The following THSD7A variants were observed in gnomAD, a reference collection of about 807,000 sequenced individuals.
The protein encoded by THSD7A is thrombospondin type-1 domain-containing protein 7A.
Under a neutral mutation model 231.3 loss-of-function variants are expected in THSD7A, and 96 were observed. The observed-to-expected ratio is 0.41, with a 90% CI of 0.35 to 0.49. The LOEUF (loss-of-function observed/expected upper bound fraction) is 0.49, where lower values mean the gene tolerates loss of function less well. THSD7A is among the 20% of genes least tolerant of loss of function. The probability of loss-of-function intolerance (pLI) is 0.05; values close to 1 mark genes in which losing one functional copy is unlikely to be tolerated. For missense variants in THSD7A, 2,290 were observed against 2,070.2 expected, an observed-to-expected ratio of 1.11 and a Z score of -2.06; for synonymous variants, 940 against 743.3, an observed-to-expected ratio of 1.26 and a Z score of -4.30.
At chr7:11,420,514 A>T (rs909217501) in intron 16 of THSD7A, among the ~76,000 whole-genome samples, 1 of 152,204 alleles carries the variant, frequency 6.6e-6, no homozygotes, top group African/African-American at 2.4e-5. Flanking sequence ...CGGATTTCAG[A>T]GGATGTATGG....
At chr7:11,739,862 G>A (rs115492547) in intron 1 of THSD7A, among the ~76,000 whole-genome samples, 1,694 of 152,046 alleles carry the variant, frequency 0.011, 28 homozygotes, top group African/African-American at 0.038. Context: ...GCAATGCCAA[G>A]GATGCAGGAA....
chr7:11,746,623 C>T (rs1782316145), intron 1 of THSD7A, among the ~76,000 whole-genome samples: 1 of 151,778 alleles, frequency 6.6e-6, no homozygotes, highest in African/African-American at 2.4e-5. Flanking sequence ...ACAGGTACCC[C>T]AGAGATGGAG....
At position 11,447,375 on chromosome 7, in the gene THSD7A, G is replaced by A; in HGVS notation, c.2655C>T (p.Cys885=). 2 of 1,608,018 alleles carry A rather than the reference G, an allele frequency of 1.2e-6. No homozygotes were observed. The highest frequency in any genetic ancestry group is 1.7e-6 in the Non-Finnish European group (2 of 1,177,366). The stretch of plus-strand genomic sequence containing the variant: ...CTGGCACAGGGCCTGCATACTGTAG[G>A]CACTCATGGATTCCAGCCTGTCCTC... The part of the protein sequence containing the change: ...QDGGQAGIHE[C]LQYAGPVPAL... Residue 885 remains cysteine (C), a synonymous_variant, in exon 12 of 28, where the codon TGC becomes TGT. Coordinates refer to ENST00000423059, the MANE Select transcript of THSD7A (RefSeq NM_015204.3).
At chr7:11,796,937 T>C (rs1212244349) in intron 1 of THSD7A, among the ~76,000 whole-genome samples, 1 of 152,130 alleles carries the variant, frequency 6.6e-6, no homozygotes. Flanking sequence ...AGTATTTAAA[T>C]GTGAATAACA....
At chr7:11,720,496 C>T (rs1013574772) in intron 1 of THSD7A, among the ~76,000 whole-genome samples, 1 of 151,738 alleles carries the variant, frequency 6.6e-6, no homozygotes, top group Non-Finnish European at 1.5e-5. Flanking sequence ...TTTAAATATA[C>T]TGAAGATTCT....
chr7:11,770,603 C>G (rs1458819406), intron 1 of THSD7A, among the ~76,000 whole-genome samples: 1 of 152,156 alleles, frequency 6.6e-6, no homozygotes. Flanking sequence ...TCTTTGAAAT[C>G]TCTCTTCTAC....
At chr7:11,618,810 AAGG>A (rs1038514051) in intron 2 of THSD7A, among the ~76,000 whole-genome samples, 14 of 151,778 alleles carry the variant, frequency 9.2e-5, no homozygotes, top group Admixed American at 4.6e-4. Context: ...AAAAAAAAAG[AAGG>A]AGAAGAATAA....
intron 1 of THSD7A, among the ~76,000 whole-genome samples, chr7:11,768,892 C>A (rs1249895675): frequency 1.3e-5 from 2 of 151,392 alleles, no homozygotes; most frequent in South Asian, 2.1e-4. Flanking sequence ...GCATGCCACT[C>A]CTTTATGCTT....
At position 11,670,323 on chromosome 7, in the gene THSD7A, T is replaced by C. The variant is rs115947110; in HGVS notation, c.191-33362A>G. Reference sequence around the variant, plus strand: ...ATGGAGATCCATTACCACAGAGGAATCTTCTATGTCCAGGCAAAGGCCAAA... The same window carrying C: ...ATGGAGATCCATTACCACAGAGGAACCTTCTATGTCCAGGCAAAGGCCAAA... On this transcript the variant is annotated intron_variant, in intron 1 of 27. Transcript: ENST00000423059. 3.8e-3 allele frequency among the ~76,000 whole-genome samples: 574 copies of C among 152,292 alleles called. 3 individuals are homozygous for C. The highest frequency in any genetic ancestry group is 0.013 in the African/African-American group (530 of 41,570).
rs913722627 is a variant in THSD7A at position 11,476,707 on chromosome 7, C to T, written c.2018-2139G>A. Among the ~76,000 whole-genome samples, 5 of 151,266 alleles carry T rather than the reference C, an allele frequency of 3.3e-5. No homozygotes were observed. The Admixed American group carries it at 3.3e-4, about 10-fold the overall frequency. ...TGGTGCTCCTGTAATCCCAGCTATTCAGGAGGCTGAGGCAGGAGAATCGCT... is the reference window on the plus strand; with the variant it reads ...TGGTGCTCCTGTAATCCCAGCTATTTAGGAGGCTGAGGCAGGAGAATCGCT... On this transcript the variant is annotated intron_variant, in intron 7 of 27. Coordinates refer to ENST00000423059, the MANE Select transcript of THSD7A (RefSeq NM_015204.3).
At chr7:11,418,770 T>A (rs1282029028) in intron 16 of THSD7A, among the ~76,000 whole-genome samples, 1 of 152,158 alleles carries the variant, frequency 6.6e-6, no homozygotes, top group Non-Finnish European at 1.5e-5. Context: ...GTTGGTCATG[T>A]CTTAATGAGC....
intron 23 of THSD7A, among the ~76,000 whole-genome samples, chr7:11,386,777 T>G (rs1399896166): frequency 2.6e-5 from 4 of 152,222 alleles, no homozygotes; most frequent in Non-Finnish European, 5.9e-5. Flanking sequence ...AGTCATGAAG[T>G]CTTTGCCCAT....
chr7:11,580,472 G>C (rs1293211390), intron 4 of THSD7A, among the ~76,000 whole-genome samples: 1 of 152,014 alleles, frequency 6.6e-6, no homozygotes, highest in Non-Finnish European at 1.5e-5. Flanking sequence ...TAACTTCAAG[G>C]CTTTTATCAG....
At chr7:11,476,355 ACACACAC>A (rs922292789) in intron 7 of THSD7A, among the ~76,000 whole-genome samples, 1 of 149,224 alleles carries the variant, frequency 6.7e-6, no homozygotes, top group African/African-American at 2.5e-5. Flanking sequence ...ACACACACAC[ACACACAC>A]CATTTTTTTA....
At chr7:11,395,981 A>G (rs1276194288) in intron 23 of THSD7A, among the ~76,000 whole-genome samples, 5 of 152,226 alleles carry the variant, frequency 3.3e-5, no homozygotes, top group African/African-American at 1.2e-4. Context: ...AGTCAGGATT[A>G]AGAAACCCAC....
chr7:11,462,670 C>T (rs1015676665), intron 9 of THSD7A, among the ~76,000 whole-genome samples: 2 of 152,088 alleles, frequency 1.3e-5, no homozygotes, highest in Non-Finnish European at 2.9e-5. Flanking sequence ...GTTAGACAGT[C>T]TAAGACCTTC....
At chr7:11,654,394 T>A (rs1288529119) in intron 1 of THSD7A, among the ~76,000 whole-genome samples, 2 of 151,982 alleles carry the variant, frequency 1.3e-5, no homozygotes, top group African/African-American at 4.8e-5. Flanking sequence ...TGTCACCCAA[T>A]AAAGCAGTGT....
chr7:11,540,198 A>G (rs1789085977), intron 6 of THSD7A, among the ~76,000 whole-genome samples: 1 of 152,220 alleles, frequency 6.6e-6, no homozygotes, highest in African/African-American at 2.4e-5. Context: ...AAAATTCATC[A>G]TAAAAGATCT....
intron 4 of THSD7A, among the ~76,000 whole-genome samples, chr7:11,551,280 C>T (rs970242481): frequency 1.3e-5 from 2 of 151,848 alleles, no homozygotes; most frequent in Non-Finnish European, 2.9e-5. Flanking sequence ...GACATAGGCC[C>T]CAGCAAAGAT....
Sources: gnomAD v4.1 joint callset for allele counts (sites outside exome capture counted in the v4.1 genomes callset) on GRCh38, gnomAD v4.1.1 for gene constraint, MANE v1.5 for transcripts, NCBI Gene and HGNC (gene_info 2026-07-23, HGNC 2026-07-21) for gene names.